The following EPB41L5 variants were observed in gnomAD, a reference collection of about 807,000 sequenced individuals.
EPB41L5 encodes band 4.1-like protein 5.
EPB41L5 carries 55 observed loss-of-function variants against 106.6 expected under a neutral mutation model. The observed-to-expected ratio is 0.52, with a 90% CI of 0.42 to 0.65. The LOEUF is 0.65. Ranked by LOEUF, EPB41L5 falls within the 30% of genes least tolerant of loss-of-function variation. The pLI is 0.00. For missense variants in EPB41L5, 871 were observed against 882.1 expected, an observed-to-expected ratio of 0.99 and a Z score of 0.16; for synonymous variants, 297 against 306.7, an observed-to-expected ratio of 0.97 and a Z score of 0.33.
intron 3 of EPB41L5, among the ~76,000 whole-genome samples, chr2:120,066,721 C>T (rs1331251459): frequency 6.6e-6 from 1 of 152,182 alleles, no homozygotes; most frequent in Non-Finnish European, 1.5e-5. Context: ...TGAGAGGCTA[C>T]ATGAAATAGT....
intron 23 of EPB41L5, 96 bp downstream of exon 23, chr2:120,167,603 G>A: frequency 7.6e-7 from 1 of 1,324,428 alleles, no homozygotes; most frequent in Non-Finnish European, 1.1e-6. Flanking sequence ...AAAAACATGA[G>A]GGTTGTTATC....
intron 11 of EPB41L5, among the ~76,000 whole-genome samples, chr2:120,088,028 A>C (rs1683181299): frequency 6.6e-6 from 1 of 152,052 alleles, no homozygotes; most frequent in Non-Finnish European, 1.5e-5. Flanking sequence ...CAAATTAATA[A>C]ATTTTAACAT....
At chr2:120,075,864 G>T (rs1337991356) in intron 7 of EPB41L5, 111 bp downstream of exon 7, 2 of 842,516 alleles carry the variant, frequency 2.4e-6, no homozygotes, top group Non-Finnish European at 3.9e-6. Flanking sequence ...CACTGTTTTT[G>T]TATAAACTTG....
At position 120,063,800 on chromosome 2, in the gene EPB41L5, G is replaced by T. The variant is rs113825639; in HGVS notation, c.286-9378G>T. Among the ~76,000 whole-genome samples the T allele has an allele frequency of 4.4e-3, 674 of 152,176 alleles. 4 individuals carry two copies. Among genetic ancestry groups the T allele is most frequent in the African/African-American group, 0.015 (619 of 41,518 alleles). ...TATTAAAAATAATAAAAATTAGCCGGGCGTGGTGGCGGGCGCCTGTAATCC... is the reference window on the plus strand; with the variant it reads ...TATTAAAAATAATAAAAATTAGCCGTGCGTGGTGGCGGGCGCCTGTAATCC... On this transcript the variant is annotated intron_variant, in intron 3 of 24. Coordinates refer to ENST00000263713, the MANE Select transcript of EPB41L5 (RefSeq NM_020909.4).
intron 10 of EPB41L5, among the ~76,000 whole-genome samples, chr2:120,085,782 C>A (rs1683014415): frequency 6.6e-6 from 1 of 152,198 alleles, no homozygotes; most frequent in Non-Finnish European, 1.5e-5. Context: ...CCTCATACCT[C>A]CAGCTTGTCC....
At chr2:120,046,867 C>G (rs1213336765) in intron 3 of EPB41L5, among the ~76,000 whole-genome samples, 1 of 152,138 alleles carries the variant, frequency 6.6e-6, no homozygotes, top group Admixed American at 6.5e-5. Context: ...CCAATTTTAG[C>G]TTTCTACATA....
chr2:120,102,906 T>TA (rs1185998820), intron 16 of EPB41L5, among the ~76,000 whole-genome samples: 8 of 152,168 alleles, frequency 5.3e-5, no homozygotes, highest in Non-Finnish European at 1.5e-5. Flanking sequence ...AACCTTGCAT[T>TA]GGTAGGGGAG....
At chr2:120,092,903 A>C (rs999449056) in intron 13 of EPB41L5, among the ~76,000 whole-genome samples, 3 of 152,198 alleles carry the variant, frequency 2.0e-5, no homozygotes, top group Admixed American at 6.5e-5. Context: ...TGTTGCCTCT[A>C]TGGTGTGAAT....
rs1433090431 is a variant in EPB41L5, at chr2:120,090,388, T to C, written c.915T>C (p.His305=). Residue 305 remains histidine, a synonymous_variant, in exon 12 of 25, where the codon CAT becomes CAC. Coordinates refer to ENST00000263713, the MANE Select transcript of EPB41L5 (RefSeq NM_020909.4). ...QEHTFVFRLD[H]PKACKHLWKC... ...ATACATTTGTCTTTAGACTGGATCA[T>C]CCAAAAGCATGCAAACATTTATGGA... is the stretch of plus-strand genomic sequence containing the variant. 2 of 1,613,206 alleles carry C rather than the reference T, an allele frequency of 1.2e-6. No individual in the cohort carries two copies. The highest frequency in any genetic ancestry group is 2.2e-5 in the South Asian group (2 of 90,836).
chr2:120,023,505 T>G (rs1196952504), intron 2 of EPB41L5, among the ~76,000 whole-genome samples: 2 of 152,160 alleles, frequency 1.3e-5, no homozygotes, highest in African/African-American at 4.8e-5. Context: ...ATGTGTGGTG[T>G]TATTTCTGAG....
intron 20 of EPB41L5, among the ~76,000 whole-genome samples, chr2:120,148,548 A>G (rs953351091): frequency 1.3e-5 from 2 of 151,902 alleles, no homozygotes; most frequent in Non-Finnish European, 2.9e-5. Context: ...CCTGGCAACC[A>G]CTAATCTACT....
At chr2:120,056,061 T>C (rs1426074663) in intron 3 of EPB41L5, among the ~76,000 whole-genome samples, 2 of 152,136 alleles carry the variant, frequency 1.3e-5, no homozygotes, top group African/African-American at 2.4e-5. Flanking sequence ...TCAAGTATGG[T>C]GTGGGAATTT....
chr2:120,020,489 T>G lies in EPB41L5; in HGVS notation c.180+1225T>G, dbSNP rs1677845804. ...TCATCATTACGTGTATTTGTTATCT[T>G]TGTCTATAAGAATGTATATTTTTAG... On this transcript the variant is annotated intron_variant, in intron 2 of 24. Coordinates refer to ENST00000263713, the MANE Select transcript of EPB41L5 (RefSeq NM_020909.4). 2.6e-5 allele frequency among the ~76,000 whole-genome samples: 4 copies of G among 152,214 alleles called. No homozygotes were observed. In the South Asian group the frequency reaches 8.3e-4, roughly 32 times the overall value.
intron 16 of EPB41L5, chr2:120,104,688 ACTTGTT>A: frequency 4.1e-6 from 4 of 982,082 alleles, no homozygotes; most frequent in Non-Finnish European, 4.8e-6. Flanking sequence ...TTTATTAAAA[ACTTGTT>A]CTTATACACT....
chr2:120,027,708 T>C (rs1262106990), intron 2 of EPB41L5, among the ~76,000 whole-genome samples: 1 of 152,094 alleles, frequency 6.6e-6, no homozygotes, highest in South Asian at 2.1e-4. Flanking sequence ...GTGCCTGGCT[T>C]AGGGTTTCTT....
intron 1 of EPB41L5, among the ~76,000 whole-genome samples, chr2:120,014,934 G>A (rs1401586333): frequency 3.3e-5 from 5 of 150,202 alleles, no homozygotes; most frequent in African/African-American, 1.2e-4. Context: ...AGGTGGGAGG[G>A]GAAAAGTGAG....
intron 2 of EPB41L5, among the ~76,000 whole-genome samples, chr2:120,034,071 G>C (rs1451538277): frequency 1.3e-5 from 2 of 152,176 alleles, no homozygotes; most frequent in African/African-American, 4.8e-5. Context: ...ACTCCAGCCT[G>C]GACAACAGAG....
chr2:120,108,092 T>C (rs761086129), intron 16 of EPB41L5: 1 of 152,174 alleles, frequency 6.6e-6, no homozygotes, highest in Non-Finnish European at 1.5e-5. Flanking sequence ...CTGAAGGAAT[T>C]GTTGTCACAA....
intron 18 of EPB41L5, among the ~76,000 whole-genome samples, chr2:120,131,946 AAAAC>A (rs756274638): frequency 6.6e-6 from 1 of 152,196 alleles, no homozygotes; most frequent in Admixed American, 6.5e-5. Flanking sequence ...TTTAAAAAAA[AAAAC>A]ACAGTCAAGA....
Sources: allele counts gnomAD v4.1 joint callset (sites outside exome capture counted in the v4.1 genomes callset), GRCh38; gene constraint gnomAD v4.1.1; transcripts MANE v1.5; gene names NCBI Gene and HGNC (gene_info 2026-07-23, HGNC 2026-07-21).